PKP4: variants seen among roughly 807,000 people sequenced by gnomAD.
PKP4 encodes the protein plakophilin 4.
PKP4 carries 90 observed loss-of-function variants against 145.1 expected under a neutral mutation model. That is an observed-to-expected ratio of 0.62 (90% CI 0.52 to 0.74). The LOEUF (loss-of-function observed/expected upper bound fraction) is 0.74, where lower values mean the gene tolerates loss of function less well. Ranked by LOEUF, PKP4 falls within the 30% of genes least tolerant of loss-of-function variation. The probability of loss-of-function intolerance (pLI) is 0.00; values close to 1 mark genes in which losing one functional copy is unlikely to be tolerated. For synonymous variants in PKP4, 563 were observed against 577.2 expected, an observed-to-expected ratio of 0.98 and a Z score of 0.35; for missense variants, 1,340 against 1,482.7, an observed-to-expected ratio of 0.90 and a Z score of 1.58.
chr2:158,538,770 G>A (rs1258417138), intron 2 of PKP4, among the ~76,000 whole-genome samples: 6 of 152,062 alleles, frequency 3.9e-5, no homozygotes, highest in African/African-American at 1.4e-4. Flanking sequence ...TCAAACTCCT[G>A]ACCTCAGGTG....
At chr2:158,466,128 T>G (rs551247268) in intron 1 of PKP4, among the ~76,000 whole-genome samples, 45 of 152,290 alleles carry the variant, frequency 3.0e-4, no homozygotes, top group African/African-American at 9.9e-4. Context: ...GACTTTATCT[T>G]TCTACAGGAC....
rs138718396 is a variant in PKP4, at chr2:158,678,461, G to T, written c.3257-120G>T. ...CTGCTACCTCTCCCAGCCCGCATTG[G>T]CACTGGGGAAGACAGGCCCTGTCGG... is the stretch of plus-strand genomic sequence containing the variant. On this transcript the variant is annotated intron_variant, in intron 20 of 21. Transcript: ENST00000389759. The T allele has an allele frequency of 5.6e-4, 408 of 730,086 alleles. 2 individuals carry two copies. The African/African-American group carries it at 6.6e-3, about 12-fold the overall frequency. The allele number at this position is 730,086 out of a possible 1,614,324, so 45.2% of individuals were successfully genotyped here.
chr2:158,615,865 A>G (rs1029029609), intron 4 of PKP4, among the ~76,000 whole-genome samples: 1 of 152,178 alleles, frequency 6.6e-6, no homozygotes, highest in Non-Finnish European at 1.5e-5. Flanking sequence ...CACTTTTTAG[A>G]CGGGTAAAAT....
chr2:158,673,712 T>A lies in PKP4; in HGVS notation c.2960T>A (p.Val987Asp). ...SLKVVKAAAQ[V>D]LNTLWQYRDL... ...AAAGTGGTGAAGGCAGCAGCCCAGG[T>A]CTTGAATACATTATGGCAATATCGG... Residue 987 changes from valine (V) to aspartate (D), a missense_variant, in exon 18 of 22, where the codon GTC becomes GAC. Coordinates refer to ENST00000389759, the MANE Select transcript of PKP4 (RefSeq NM_003628.6). 6.2e-7 allele frequency: 1 copy of A among 1,613,312 alleles called. No individual in the cohort carries two copies. Among genetic ancestry groups the A allele is most frequent in the Non-Finnish European group, 8.5e-7 (1 of 1,179,680 alleles).
At chr2:158,578,673 T>C (rs959624912) in intron 3 of PKP4, among the ~76,000 whole-genome samples, 2 of 152,232 alleles carry the variant, frequency 1.3e-5, no homozygotes, top group Non-Finnish European at 2.9e-5. Flanking sequence ...ACCAGAATTA[T>C]ATTTTAATAG....
In PKP4 at chr2:158,673,790, T is replaced by A. The variant is rs769740078; in HGVS notation, c.3009+29T>A. On this transcript the variant is annotated intron_variant, in intron 18 of 21. Coordinates refer to ENST00000389759, the MANE Select transcript of PKP4 (RefSeq NM_003628.6). ...ACCTACAAGAATAGCTCTGGCATAATTAGCATTCATCAGAGCACACACTCA... is the reference window on the plus strand; with the variant it reads ...ACCTACAAGAATAGCTCTGGCATAAATAGCATTCATCAGAGCACACACTCA... 3.3e-6 allele frequency: 5 copies of A among 1,499,124 alleles called. No individual in the cohort carries two copies. In the Admixed American group the frequency reaches 8.3e-5, roughly 25 times the overall value. 92.9% of individuals were successfully genotyped at this position (1,499,124 alleles called of 1,614,324 possible).
At chr2:158,522,616 G>T (rs2042484115) in intron 1 of PKP4, among the ~76,000 whole-genome samples, 2 of 150,582 alleles carry the variant, frequency 1.3e-5, no homozygotes, top group African/African-American at 2.4e-5. Context: ...AAGAGACCTG[G>T]AGGGGGAGGA....
At chr2:158,674,112 C>T in intron 19 of PKP4, 112 bp downstream of exon 19, 1 of 764,206 alleles carries the variant, frequency 1.3e-6, no homozygotes, top group Non-Finnish European at 2.4e-6. Context: ...CCAACACTAC[C>T]CATGCAGCAG....
At chr2:158,677,205 C>T (rs1159706574) in intron 20 of PKP4, 2 of 359,560 alleles carry the variant, frequency 5.6e-6, no homozygotes, top group South Asian at 2.2e-5. Flanking sequence ...GTGTTTTCCA[C>T]ATGCATCAGA....
At chr2:158,606,057 A>G (rs2050627902) in intron 4 of PKP4, among the ~76,000 whole-genome samples, 1 of 152,206 alleles carries the variant, frequency 6.6e-6, no homozygotes, top group South Asian at 2.1e-4. Context: ...TGTTATGAAT[A>G]ATGCTTTTAT....
intron 1 of PKP4, among the ~76,000 whole-genome samples, chr2:158,468,077 G>C (rs1383439562): frequency 6.6e-6 from 1 of 152,134 alleles, no homozygotes; most frequent in Non-Finnish European, 1.5e-5. Context: ...AAATAGAGTT[G>C]CTATGAATAT....
In PKP4 at chr2:158,487,710, C is replaced by T. The variant is rs181309681; in HGVS notation, c.-6+30492C>T. ...TACCACTTTGAATGCTGAGTAAGGA[C>T]ATTGTACTGGACCATTGCCCAGCAT... On this transcript the variant is annotated intron_variant, in intron 1 of 21. Coordinates refer to ENST00000389759, the MANE Select transcript of PKP4 (RefSeq NM_003628.6). Among the ~76,000 whole-genome samples the T allele has an allele frequency of 3.3e-5, 5 of 151,452 alleles. No homozygotes were observed. In the East Asian group the frequency reaches 9.7e-4, roughly 30 times the overall value.
intron 11 of PKP4, among the ~76,000 whole-genome samples, chr2:158,651,978 C>G (rs942507738): frequency 6.6e-6 from 1 of 152,116 alleles, no homozygotes; most frequent in Non-Finnish European, 1.5e-5. Context: ...ACAGATGGCT[C>G]CCCTGTGTGT....
intron 20 of PKP4, chr2:158,677,423 A>C: frequency 5.6e-6 from 1 of 178,800 alleles, no homozygotes; most frequent in South Asian, 1.3e-4. Context: ...ATATTTTTAT[A>C]TCCTATTCAG....
intron 1 of PKP4, among the ~76,000 whole-genome samples, chr2:158,472,921 C>CAA (rs1247346842): frequency 6.6e-6 from 1 of 152,102 alleles, no homozygotes; most frequent in Non-Finnish European, 1.5e-5. Context: ...ATGAATCTGA[C>CAA]AAAGGTCTAA....
Position 158,621,408 on chromosome 2 carries a change from A to G in PKP4, c.590A>G (p.Gln197Arg). The G allele has an allele frequency of 6.2e-7, 1 of 1,613,966 alleles. No homozygotes were observed. The highest frequency in any genetic ancestry group is 8.5e-7 in the Non-Finnish European group (1 of 1,179,856). ...HVVRNSRAEG[Q>R]TLVQPSVANR... Reference sequence around the variant, plus strand: ...GTGAGGAATTCAAGAGCTGAAGGACAAACACTGGTTCAGGTAAGCCAAACG... The same window carrying G: ...GTGAGGAATTCAAGAGCTGAAGGACGAACACTGGTTCAGGTAAGCCAAACG... Residue 197 changes from glutamine to arginine, a missense_variant, in exon 6 of 22, where the codon CAA becomes CGA. By Grantham distance (43) the Gln-to-Arg change is conservative. Transcript: ENST00000389759.
intron 1 of PKP4, among the ~76,000 whole-genome samples, chr2:158,507,019 G>T (rs138903676): frequency 6.6e-6 from 1 of 152,292 alleles, no homozygotes; most frequent in East Asian, 1.9e-4. Flanking sequence ...AGAAAGGTTG[G>T]GAGAATAGTC....
intron 16 of PKP4, among the ~76,000 whole-genome samples, chr2:158,667,032 T>G (rs2057152791): frequency 8.5e-6 from 1 of 117,676 alleles, no homozygotes; most frequent in South Asian, 3.9e-4. Flanking sequence ...CCAACATCAT[T>G]TCCACCCTGG....
chr2:158,580,032 C>T (rs376079505), intron 3 of PKP4, among the ~76,000 whole-genome samples: 1 of 152,196 alleles, frequency 6.6e-6, no homozygotes, highest in East Asian at 1.9e-4. Flanking sequence ...AGGAATTAGG[C>T]TTTTGCAGAA....
Sources: allele counts gnomAD v4.1 joint callset (sites outside exome capture counted in the v4.1 genomes callset), GRCh38; gene constraint gnomAD v4.1.1; transcripts MANE v1.5; gene names NCBI Gene and HGNC (gene_info 2026-07-23, HGNC 2026-07-21).